CACNB4: variants seen among roughly 807,000 people sequenced by gnomAD.
CACNB4 encodes calcium voltage-gated channel auxiliary subunit beta 4.
In CACNB4, 32 loss-of-function variants were observed where a neutral mutation model predicts 71.2. The observed-to-expected ratio is 0.45, with a 90% CI of 0.34 to 0.60. CACNB4 has a LOEUF of 0.60. Among genes scored for constraint, CACNB4 ranks in the 20% least tolerant of loss-of-function variants. The pLI is 0.01. For synonymous variants in CACNB4, 231 were observed against 236.9 expected, an observed-to-expected ratio of 0.97 and a Z score of 0.23; for missense variants, 464 against 647.9, an observed-to-expected ratio of 0.72 and a Z score of 3.08.
rs574040930 is a variant in CACNB4, at chr2:152,098,519, C to T, written c.64-106G>A. 1.0e-5 allele frequency: 14 copies of T among 1,349,360 alleles called. No individual in the cohort carries two copies. The East Asian group carries it at 2.5e-4, about 25-fold the overall frequency. The allele number at this position is 1,349,360 out of a possible 1,614,324, so 83.6% of individuals were successfully genotyped here. A position where few individuals can be genotyped will look rare whatever the true frequency, so the allele number is the denominator to read the frequency against. On this transcript the variant is annotated intron_variant, in intron 1 of 13. Transcript: ENST00000539935. This position sits in a 1 kb window ranked among gnomAD's most constrained non-coding sequence, Gnocchi z 5.3. ...CGCCTCCGGACCCGCTCCCTGGGGT[C>T]CCCTAGAGCCCGCACCCAAGTCTCC...
Position 152,061,144 on chromosome 2 carries a change from C to T in CACNB4, c.147+37186G>A, listed in dbSNP as rs191106106. ...TCAACATAAGGAGATCCCGTCTCCACAAAAAATTTTTGTCAATTAGCTAGG... is the reference window on the plus strand; with the variant it reads ...TCAACATAAGGAGATCCCGTCTCCATAAAAAATTTTTGTCAATTAGCTAGG... On this transcript the variant is annotated intron_variant, in intron 2 of 13. Coordinates refer to ENST00000539935, the MANE Select transcript of CACNB4 (RefSeq NM_000726.5). Among the ~76,000 whole-genome samples the T allele has an allele frequency of 2.2e-3, 328 of 152,122 alleles. 3 individuals are homozygous for T. The highest frequency in any genetic ancestry group is 7.3e-3 in the African/African-American group (301 of 41,504).
At chr2:151,911,892 C>T (rs1181241157) in intron 2 of CACNB4, among the ~76,000 whole-genome samples, 1 of 152,016 alleles carries the variant, frequency 6.6e-6, no homozygotes, top group Admixed American at 6.5e-5. Context: ...CTGGTTTAAT[C>T]TCGGTAGGGT....
At chr2:151,955,137 G>A (rs918935608) in intron 2 of CACNB4, among the ~76,000 whole-genome samples, 5 of 152,080 alleles carry the variant, frequency 3.3e-5, no homozygotes, top group African/African-American at 1.2e-4. Context: ...TTACAGGCGT[G>A]AGCCACCGTG....
At chr2:152,090,770 G>T (rs1687925670) in intron 2 of CACNB4, among the ~76,000 whole-genome samples, 1 of 152,090 alleles carries the variant, frequency 6.6e-6, no homozygotes, top group Non-Finnish European at 1.5e-5. Context: ...TTAGGGTTGG[G>T]CATGATGGCT....
intron 2 of CACNB4, among the ~76,000 whole-genome samples, chr2:151,949,890 A>G (rs1369585817): frequency 6.6e-6 from 1 of 152,066 alleles, no homozygotes; most frequent in African/African-American, 2.4e-5. Flanking sequence ...TCTACTAAAA[A>G]TACAAAAATT....
chr2:151,868,627 T>C (rs1050056881), intron 9 of CACNB4: 16 of 152,156 alleles, frequency 1.1e-4, no homozygotes, highest in African/African-American at 3.6e-4. Context: ...AGGACATTTC[T>C]AATAAAAACA....
At chr2:151,938,733 C>T (rs75164802) in intron 2 of CACNB4, among the ~76,000 whole-genome samples, 2,783 of 152,296 alleles carry the variant, frequency 0.018, 97 homozygotes, top group African/African-American at 0.062. Flanking sequence ...CCTCCTACCC[C>T]CAATACACAA....
Position 152,041,356 on chromosome 2 carries a change from C to T in CACNB4, c.147+56974G>A, listed in dbSNP as rs146474026. 9.4e-4 allele frequency among the ~76,000 whole-genome samples: 143 copies of T among 152,236 alleles called. No individual in the cohort carries two copies. In the East Asian group the frequency reaches 9.8e-3, roughly 10 times the overall value. ...CATCATCATGTTTTAGTTGCATAAGCTCAGTACTTATGGGAAACATTTCTG... is the reference window on the plus strand; with the variant it reads ...CATCATCATGTTTTAGTTGCATAAGTTCAGTACTTATGGGAAACATTTCTG... On this transcript the variant is annotated intron_variant, in intron 2 of 13. Coordinates refer to ENST00000539935, the MANE Select transcript of CACNB4 (RefSeq NM_000726.5).
intron 2 of CACNB4, among the ~76,000 whole-genome samples, chr2:152,070,167 A>C (rs1454472380): frequency 2.0e-5 from 3 of 152,132 alleles, no homozygotes; most frequent in Non-Finnish European, 2.9e-5. Context: ...TTACAGCTAA[A>C]CAAGCAAGAA....
At chr2:151,885,133 G>GGA (rs1257546508) in intron 2 of CACNB4, among the ~76,000 whole-genome samples, 3 of 152,138 alleles carry the variant, frequency 2.0e-5, no homozygotes, top group Non-Finnish European at 4.4e-5. Context: ...CCTGGTTAGC[G>GGA]GTTTTATCAG....
chr2:152,006,383 C>G (rs1364270314), intron 2 of CACNB4, among the ~76,000 whole-genome samples: 1 of 149,036 alleles, frequency 6.7e-6, no homozygotes, highest in East Asian at 2.0e-4. Context: ...TTCCATATCT[C>G]TCTTTTTTCT....
At position 151,891,462 on chromosome 2, in the gene CACNB4, T is replaced by C. The variant is rs189712797; in HGVS notation, c.148-8092A>G. ...AAGAGGGTAGATTCCTTTTGTTAGG[T>C]TGAATCATGAAATTGCAAACATTGC... On this transcript the variant is annotated intron_variant, in intron 2 of 13. Coordinates refer to ENST00000539935, the MANE Select transcript of CACNB4 (RefSeq NM_000726.5). 1.1e-3 allele frequency among the ~76,000 whole-genome samples: 173 copies of C among 152,262 alleles called. 1 individual carries two copies. The highest frequency in any genetic ancestry group is 5.1e-3 in the Admixed American group (78 of 15,284).
chr2:151,870,327 T>G (rs116520081), intron 8 of CACNB4: 2 of 703,840 alleles, frequency 2.8e-6, no homozygotes, highest in Non-Finnish European at 5.2e-6. Flanking sequence ...AACAATGTAA[T>G]ACATAAAAGA....
In CACNB4 at chr2:152,047,220, C is replaced by A. The variant is rs566073324; in HGVS notation, c.147+51110G>T. Reference sequence around the variant, plus strand: ...AACATCTTGACATATGTCCCTGAGTCGTTTTTCAGAAACCCAAACCCTTAC... The same window carrying A: ...AACATCTTGACATATGTCCCTGAGTAGTTTTTCAGAAACCCAAACCCTTAC... On this transcript the variant is annotated intron_variant, in intron 2 of 13. Transcript: ENST00000539935. Among the ~76,000 whole-genome samples, 3 of 152,306 alleles carry A rather than the reference C, an allele frequency of 2.0e-5. 1 individual carries two copies. The highest frequency in any genetic ancestry group is 4.8e-5 in the African/African-American group (2 of 41,568).
chr2:151,905,609 T>C (rs1469406245), intron 2 of CACNB4, among the ~76,000 whole-genome samples: 1 of 152,224 alleles, frequency 6.6e-6, no homozygotes, highest in Non-Finnish European at 1.5e-5. Flanking sequence ...TTCCGTTTAT[T>C]TACTCTTTCA....
In CACNB4 at chr2:151,833,208, A is replaced by C. The variant is rs1398137305; in HGVS notation, c.*5911T>G. The stretch of plus-strand genomic sequence containing the variant: ...AGAATAGTAGGAAAAATCTTTTTAC[A>C]TCATTTTGCCATATTTCTGTTTTAG... On this transcript the variant is annotated 3_prime_UTR_variant, in exon 14 of 14. Coordinates refer to ENST00000539935, the MANE Select transcript of CACNB4 (RefSeq NM_000726.5). 6.6e-6 allele frequency: 1 copy of C among 152,184 alleles called. No individual in the cohort carries two copies. The highest frequency in any genetic ancestry group is 2.4e-5 in the African/African-American group (1 of 41,474). The allele number at this position is 152,184 out of a possible 1,614,324, so 9.4% of individuals were successfully genotyped here.
At chr2:151,921,158 T>TAAAC (rs2099858896) in intron 2 of CACNB4, among the ~76,000 whole-genome samples, 1 of 72,352 alleles carries the variant, frequency 1.4e-5, no homozygotes, top group African/African-American at 3.8e-5. Flanking sequence ...AATAAATAAA[T>TAAAC]AAATAAATAA....
chr2:151,874,481 G>T (rs1449529777), intron 5 of CACNB4, among the ~76,000 whole-genome samples: 1 of 143,346 alleles, frequency 7.0e-6, no homozygotes, highest in Non-Finnish European at 1.6e-5. Flanking sequence ...AAAAAAAAAA[G>T]AAGAAGTATG....
At chr2:152,063,616 A>C (rs1175302187) in intron 2 of CACNB4, among the ~76,000 whole-genome samples, 3 of 152,220 alleles carry the variant, frequency 2.0e-5, no homozygotes, top group African/African-American at 7.2e-5. Flanking sequence ...TCTGCATATT[A>C]CATAATTTCA....
Sources: gnomAD v4.1 joint callset for allele counts (sites outside exome capture counted in the v4.1 genomes callset) on GRCh38, gnomAD v4.1.1 for gene constraint, Gnocchi (gnomAD v3.1) non-coding constraint, MANE v1.5 for transcripts, NCBI Gene and HGNC (gene_info 2026-07-23, HGNC 2026-07-21) for gene names.